PHAF1: variants seen among roughly 807,000 people sequenced by gnomAD.
The protein encoded by PHAF1 is phagophore assembly factor 1.
A neutral mutation model predicts 63.1 loss-of-function variants in PHAF1; 23 were observed. The ratio of observed to expected loss-of-function variants is 0.36; its 90% CI spans 0.26 to 0.52. PHAF1 has a LOEUF of 0.52. Among genes scored for constraint, PHAF1 ranks in the 20% least tolerant of loss-of-function variants. PHAF1 has a pLI of 0.93. For synonymous variants in PHAF1, 167 were observed against 185.0 expected (o/e 0.90, Z 0.79); for missense variants, 427 against 517.2 (o/e 0.83, Z 1.69).
chr16:67,145,118 T>C (rs958425236), intron 12 of PHAF1, among the ~76,000 whole-genome samples: 3 of 152,008 alleles, frequency 2.0e-5, no homozygotes, highest in African/African-American at 7.3e-5. Context: ...GAGTTTCTTA[T>C]CTACAGATGA....
chr16:67,125,422 T>G (rs745632877), intron 2 of PHAF1, among the ~76,000 whole-genome samples: 4 of 152,192 alleles, frequency 2.6e-5, no homozygotes, highest in Non-Finnish European at 4.4e-5. Flanking sequence ...TCACAATATA[T>G]TTCTTTGTCC....
intron 3 of PHAF1, among the ~76,000 whole-genome samples, chr16:67,128,804 A>G (rs901886610): frequency 6.6e-6 from 1 of 152,230 alleles, no homozygotes; most frequent in Admixed American, 6.5e-5. Context: ...GTCCATTGCC[A>G]CAAGTGCTGC....
chr16:67,111,403 T>G (rs1311550020), intron 1 of PHAF1, among the ~76,000 whole-genome samples: 1 of 152,140 alleles, frequency 6.6e-6, no homozygotes, highest in Non-Finnish European at 1.5e-5. Flanking sequence ...GGGTAGGTGT[T>G]GGTGCTGTTT....
intron 3 of PHAF1, among the ~76,000 whole-genome samples, chr16:67,130,159 G>T (rs1007468238): frequency 2.6e-5 from 4 of 151,854 alleles, no homozygotes; most frequent in African/African-American, 9.7e-5. Context: ...CCATTCTCCT[G>T]CCTCAGCCTC....
At position 67,132,471 on chromosome 16, in the gene PHAF1, A is replaced by G. The variant is rs759981968; in HGVS notation, c.301A>G (p.Ile101Val). Residue 101 changes from isoleucine (I) to valine (V), a missense_variant, in exon 5 of 16, where the codon ATA (isoleucine) becomes GTA (valine). Ile to Val is a conservative substitution (Grantham distance 29). Coordinates refer to ENST00000219139, the MANE Select transcript of PHAF1 (RefSeq NM_025187.5). Reference sequence around the variant, plus strand: ...TGGCGTGCATTTTAATTCTCAGGCCATAGCTCCTACCATTGAACAGATTGA... The same window carrying G: ...TGGCGTGCATTTTAATTCTCAGGCCGTAGCTCCTACCATTGAACAGATTGA... ...YCGVHFNSQA[I>V]APTIEQIDQS... 5.0e-6 allele frequency: 8 copies of G among 1,613,012 alleles called. No homozygotes were observed. The highest frequency in any genetic ancestry group is 6.8e-6 in the Non-Finnish European group (8 of 1,179,260).
At chr16:67,117,702 G>A (rs2145824407) in intron 1 of PHAF1, among the ~76,000 whole-genome samples, 1 of 151,310 alleles carries the variant, frequency 6.6e-6, no homozygotes, top group East Asian at 2.0e-4. Context: ...GGAGCTTGCA[G>A]TGAGCGGAAA....
chr16:67,117,600 C>A (rs758782641), intron 1 of PHAF1, among the ~76,000 whole-genome samples: 1 of 151,094 alleles, frequency 6.6e-6, no homozygotes, highest in South Asian at 2.1e-4. Context: ...CATGGTGAAA[C>A]CCTGTCTCTA....
chr16:67,146,219 C>A, intron 14 of PHAF1, 59 bp from the exon 15 acceptor site: 1 of 1,477,160 alleles, frequency 6.8e-7, no homozygotes, highest in Non-Finnish European at 9.5e-7. Flanking sequence ...AGACTGGATC[C>A]CTTGCTTTAA....
At position 67,142,481 on chromosome 16, in the gene PHAF1, C is replaced by T. The variant is rs543327718; in HGVS notation, c.880-1813C>T. ...CCCTTCTGCTTCCTACCACCATCAG[C>T]GTGCCATCCATGGTGCCCATGCTGT... On this transcript the variant is annotated intron_variant, in intron 10 of 15. Transcript: ENST00000219139. Among the ~76,000 whole-genome samples the T allele has an allele frequency of 6.6e-5, 10 of 152,348 alleles. No individual in the cohort carries two copies. In the East Asian group the frequency reaches 9.6e-4, roughly 15 times the overall value.
At chr16:67,144,960 G>C in intron 12 of PHAF1, 83 bp downstream of exon 12, 1 of 1,520,522 alleles carries the variant, frequency 6.6e-7, no homozygotes, top group Non-Finnish European at 9.1e-7. Context: ...TCGAAGCAGT[G>C]GTTGGATGTG....
chr16:67,112,938 G>A (rs544540515), intron 1 of PHAF1, among the ~76,000 whole-genome samples: 4 of 152,192 alleles, frequency 2.6e-5, no homozygotes, highest in South Asian at 2.1e-4. Context: ...CCCTGAACAC[G>A]TCCAAACTAC....
At chr16:67,135,176 CT>C (rs534798605) in intron 8 of PHAF1, 34 of 158,078 alleles carry the variant, frequency 2.2e-4, no homozygotes, top group Non-Finnish European at 4.3e-4. Flanking sequence ...GAGACAGAGT[CT>C]TACTCTGTTG....
intron 8 of PHAF1, 26 bp from the exon 9 acceptor site, chr16:67,139,958 C>T: frequency 6.2e-7 from 1 of 1,613,868 alleles, no homozygotes; most frequent in Non-Finnish European, 8.5e-7. Flanking sequence ...CATAACCTGA[C>T]AACCTCTCTG....
chr16:67,138,848 C>T (rs1166271907), intron 8 of PHAF1, among the ~76,000 whole-genome samples: 2 of 152,092 alleles, frequency 1.3e-5, no homozygotes, highest in Non-Finnish European at 2.9e-5. Context: ...GTAATGCATG[C>T]TTCACTCTAC....
rs1963762628 is a variant in PHAF1, at chr16:67,140,360, C to G, written c.796-151C>G. ...CAACGACAGCTGGCCCCCTCTCCTC[C>G]TAGATTGGTCAGCACCAGCAGCTGA... On this transcript the variant is annotated intron_variant, in intron 9 of 15. Coordinates refer to ENST00000219139, the MANE Select transcript of PHAF1 (RefSeq NM_025187.5). 6.1e-6 allele frequency: 5 copies of G among 825,382 alleles called. No homozygotes were observed. In the Admixed American group the frequency reaches 9.9e-5, roughly 16 times the overall value. 51.1% of individuals were successfully genotyped at this position (825,382 alleles called of 1,614,324 possible). A position where few individuals can be genotyped will look rare whatever the true frequency, so the allele number is the denominator to read the frequency against.
chr16:67,136,631 G>A (rs1259312774), intron 8 of PHAF1, among the ~76,000 whole-genome samples: 1 of 139,058 alleles, frequency 7.2e-6, no homozygotes, highest in Non-Finnish European at 1.5e-5. Context: ...CACCCAGGCT[G>A]GAATGCAGTG....
rs1963748561 is a variant in PHAF1 at position 67,140,026 on chromosome 16, T to A, written c.704T>A (p.Phe235Tyr). The A allele has an allele frequency of 6.2e-7, 1 of 1,614,048 alleles. No homozygotes were observed. The highest frequency in any genetic ancestry group is 1.1e-5 in the South Asian group (1 of 91,082). ...GLLADAKMRV[F>Y]ERSVYFGDSC... ...TTAGCAGATGCCAAGATGCGGGTAT[T>A]TGAACGTTCAGTGTATTTTGGTGAT... is the stretch of plus-strand genomic sequence containing the variant. The change falls in exon 9 of 16, where the codon TTT (phenylalanine) becomes TAT (tyrosine). Residue 235 changes from phenylalanine (F) to tyrosine (Y), a missense_variant. Physicochemically the swap from Phe to Tyr is conservative, Grantham distance 22. Transcript: ENST00000219139.
intron 3 of PHAF1, among the ~76,000 whole-genome samples, chr16:67,129,103 A>C (rs1963297493): frequency 6.6e-6 from 1 of 152,184 alleles, no homozygotes; most frequent in African/African-American, 2.4e-5. Context: ...GGCCTCAGTG[A>C]AATGGCATGC....
At chr16:67,113,399 T>C (rs1962598770) in intron 1 of PHAF1, among the ~76,000 whole-genome samples, 1 of 152,070 alleles carries the variant, frequency 6.6e-6, no homozygotes, top group South Asian at 2.1e-4. Flanking sequence ...TGACCAGCAG[T>C]GGAGTAAAGG....
Sources: allele counts gnomAD v4.1 joint callset (sites outside exome capture counted in the v4.1 genomes callset), GRCh38; gene constraint gnomAD v4.1.1; transcripts MANE v1.5; gene names NCBI Gene and HGNC (gene_info 2026-07-23, HGNC 2026-07-21).